The following SULT1B1 variants were observed in gnomAD, a reference collection of about 807,000 sequenced individuals.
The protein encoded by SULT1B1 is sulfotransferase 1B1.
In SULT1B1, 28 loss-of-function variants were observed where a neutral mutation model predicts 34.6. That is an observed-to-expected ratio of 0.81 (90% confidence interval 0.60 to 1.11). The LOEUF (loss-of-function observed/expected upper bound fraction) is 1.11, where lower values mean the gene tolerates loss of function less well. Ranked by LOEUF, SULT1B1 falls within the 50% of genes least tolerant of loss-of-function variation. The pLI, the probability that SULT1B1 is intolerant of heterozygous loss-of-function variation, is 0.00. For missense variants in SULT1B1, 374 were observed against 352.2 expected (o/e 1.06, Z -0.50); for synonymous variants, 147 against 110.2 (o/e 1.33, Z -2.09).
intron 3 of SULT1B1, 68 bp downstream of exon 3, chr4:69,754,602 A>G: frequency 1.4e-6 from 2 of 1,480,312 alleles, no homozygotes; most frequent in South Asian, 2.5e-5. Flanking sequence ...TGAAAGTCAC[A>G]CATACAATAA....
chr4:69,753,825 A>G (rs2110031391), intron 3 of SULT1B1, among the ~76,000 whole-genome samples: 1 of 152,328 alleles, frequency 6.6e-6, no homozygotes, highest in African/African-American at 2.4e-5. Context: ...CGAATCACCA[A>G]GTTTTGGCCA....
chr4:69,725,087 C>T lies in SULT1B1; in HGVS notation c.*2001G>A, dbSNP rs1192340461. ...ACTACCATCAGCGTGAACAGGCAAC[C>T]TACAGAATGGGAGAAAATTTTTGCA... is the stretch of plus-strand genomic sequence containing the variant. On this transcript the variant is annotated 3_prime_UTR_variant, in exon 8 of 8. Coordinates refer to ENST00000310613, the MANE Select transcript of SULT1B1 (RefSeq NM_014465.4). 6 of 147,062 alleles carry T rather than the reference C, an allele frequency of 4.1e-5. No individual in the cohort carries two copies. Among genetic ancestry groups the T allele is most frequent in the Non-Finnish European group, 5.9e-5 (4 of 67,964 alleles). The allele number at this position is 147,062 out of a possible 1,614,324, so 9.1% of individuals were successfully genotyped here.
intron 4 of SULT1B1, among the ~76,000 whole-genome samples, chr4:69,744,193 T>G (rs1718662378): frequency 6.6e-6 from 1 of 151,982 alleles, no homozygotes. Flanking sequence ...TGCGGCCTCA[T>G]TGCGGTAGCA....
At chr4:69,731,594 T>G (rs1035272824) in intron 6 of SULT1B1, among the ~76,000 whole-genome samples, 1 of 152,174 alleles carries the variant, frequency 6.6e-6, no homozygotes, top group Non-Finnish European at 1.5e-5. Context: ...TTACTGGACT[T>G]TTTTTCAAAT....
intron 1 of SULT1B1, among the ~76,000 whole-genome samples, chr4:69,757,879 T>C (rs546626747): frequency 1.3e-5 from 2 of 152,250 alleles, no homozygotes; most frequent in East Asian, 1.9e-4. Context: ...AAACCTGAAA[T>C]AGAGGATATT....
At chr4:69,740,526 G>A (rs948050393) in intron 4 of SULT1B1, among the ~76,000 whole-genome samples, 1 of 152,132 alleles carries the variant, frequency 6.6e-6, no homozygotes, top group East Asian at 1.9e-4. Flanking sequence ...GTCACATGAG[G>A]ATTATTACAA....
At chr4:69,733,286 A>T (rs944283402) in intron 6 of SULT1B1, 127 bp downstream of exon 6, 1 of 564,602 alleles carries the variant, frequency 1.8e-6, no homozygotes, top group African/African-American at 1.9e-5. Flanking sequence ...TTGGGTAAAA[A>T]CACATGGTGG....
In SULT1B1 at chr4:69,724,408, G is replaced by A. The variant is rs532088877; in HGVS notation, c.*2680C>T. 3.9e-5 allele frequency: 6 copies of A among 152,334 alleles called. No individual in the cohort carries two copies. The highest frequency in any genetic ancestry group is 3.3e-4 in the Admixed American group (5 of 15,294). The allele number at this position is 152,334 out of a possible 1,614,324, so 9.4% of individuals were successfully genotyped here. ...AATAGAAGAACATTCCATGCTCATG[G>A]ATAGGAAGAATCAATATCATGAAAA... On this transcript the variant is annotated 3_prime_UTR_variant, in exon 8 of 8. Coordinates refer to ENST00000310613, the MANE Select transcript of SULT1B1 (RefSeq NM_014465.4).
At chr4:69,751,515 G>C (rs1180458423) in intron 3 of SULT1B1, among the ~76,000 whole-genome samples, 1 of 151,968 alleles carries the variant, frequency 6.6e-6, no homozygotes, top group African/African-American at 2.4e-5. Context: ...GCAGTGGCGC[G>C]ATCTCAGTTC....
intron 1 of SULT1B1, 131 bp from the exon 2 acceptor site, chr4:69,755,392 A>G: frequency 1.6e-6 from 1 of 627,654 alleles, no homozygotes. Context: ...CAAAGGGCAT[A>G]TTTTGTGGGC....
Position 69,749,716 on chromosome 4 carries a change from T to G in SULT1B1, c.375+5A>C, listed in dbSNP as rs754262455. 5.0e-6 allele frequency: 8 copies of G among 1,606,828 alleles called. No individual in the cohort carries two copies. Among genetic ancestry groups the G allele is most frequent in the Non-Finnish European group, 6.8e-6 (8 of 1,173,526 alleles). On this transcript the variant is annotated splice_donor_5th_base_variant and intron_variant, in intron 4 of 7. Transcript: ENST00000310613. ...TAAAAAACTGACATGGAGTCTGGAG[T>G]ATACCTTGCAATTGTTTTCCCAGAA...
intron 5 of SULT1B1, 100 bp from the exon 6 acceptor site, chr4:69,733,607 C>T (rs1718175771): frequency 1.2e-6 from 1 of 844,150 alleles, no homozygotes; most frequent in Admixed American, 3.1e-5. Context: ...AATTTAGTAA[C>T]CAAAGGAAGT....
At chr4:69,751,389 C>T (rs1439750773) in intron 3 of SULT1B1, among the ~76,000 whole-genome samples, 2 of 152,152 alleles carry the variant, frequency 1.3e-5, no homozygotes, top group Non-Finnish European at 1.5e-5. Context: ...CCTTTATATC[C>T]ACAAGTATGA....
Position 69,721,606 on chromosome 4 carries a change from C to T in SULT1B1, c.*5482G>A, listed in dbSNP as rs183896063. The T allele has an allele frequency of 2.0e-5, 3 of 151,988 alleles. No individual in the cohort carries two copies. In the East Asian group the frequency reaches 5.8e-4, roughly 29 times the overall value. 9.4% of individuals were successfully genotyped at this position (151,988 alleles called of 1,614,324 possible). A position where few individuals can be genotyped will look rare whatever the true frequency, so the allele number is the denominator to read the frequency against. ...ATTTTTATCACACAGAACATAGGGT[C>T]AATGGGAAAGAGAATGAAGAATGTA... On this transcript the variant is annotated 3_prime_UTR_variant, in exon 8 of 8. Coordinates refer to ENST00000310613, the MANE Select transcript of SULT1B1 (RefSeq NM_014465.4).
At chr4:69,741,854 C>T (rs1412569186) in intron 4 of SULT1B1, among the ~76,000 whole-genome samples, 1 of 152,160 alleles carries the variant, frequency 6.6e-6, no homozygotes, top group Non-Finnish European at 1.5e-5. Context: ...TCCTCTCTTT[C>T]TATTTGCATG....
chr4:69,759,840 G>A (rs1367565136), intron 1 of SULT1B1, among the ~76,000 whole-genome samples: 1 of 152,092 alleles, frequency 6.6e-6, no homozygotes, highest in Non-Finnish European at 1.5e-5. Flanking sequence ...ATGAGCCATA[G>A]GCTGAAAATT....
At chr4:69,730,955 G>A (rs1210844834) in intron 6 of SULT1B1, among the ~76,000 whole-genome samples, 1 of 152,164 alleles carries the variant, frequency 6.6e-6, no homozygotes, top group Non-Finnish European at 1.5e-5. Context: ...GAGCAGACAT[G>A]ATGATAGTAG....
Position 69,724,815 on chromosome 4 carries a change from C to T in SULT1B1, c.*2273G>A, listed in dbSNP as rs1257293687. 1 of 152,138 alleles carries T rather than the reference C, an allele frequency of 6.6e-6. No homozygotes were observed. The highest frequency in any genetic ancestry group is 1.9e-4 in the East Asian group (1 of 5,186). The allele number at this position is 152,138 out of a possible 1,614,324, so 9.4% of individuals were successfully genotyped here. On this transcript the variant is annotated 3_prime_UTR_variant, in exon 8 of 8. Transcript: ENST00000310613. ...AATGGTGCTGGGAAAACTGGCTAGC[C>T]ATATGTAGAAAGCAGAACCTGGATC...
intron 4 of SULT1B1, among the ~76,000 whole-genome samples, chr4:69,747,442 A>G (rs1421538185): frequency 6.6e-6 from 1 of 152,232 alleles, no homozygotes; most frequent in Non-Finnish European, 1.5e-5. Context: ...GCACTAAGCC[A>G]GTGTGGCTAT....
Sources: allele counts gnomAD v4.1 joint callset (sites outside exome capture counted in the v4.1 genomes callset), GRCh38; gene constraint gnomAD v4.1.1; transcripts MANE v1.5; gene names NCBI Gene and HGNC (gene_info 2026-07-23, HGNC 2026-07-21).